Variants in MPND observed in about 807,000 individuals in gnomAD.
MPND encodes MPN domain-containing protein.
MPND carries 56 observed loss-of-function variants against 59.2 expected under a neutral mutation model. The ratio of observed to expected loss-of-function variants is 0.95; its 90% CI spans 0.76 to 1.18. MPND has a LOEUF of 1.18. Ranked by LOEUF, MPND falls within the 50% of genes most tolerant of loss-of-function variation. The pLI is 0.00. For missense variants in MPND, 671 were observed against 676.0 expected (o/e 0.99, Z 0.08); for synonymous variants, 323 against 291.9 (o/e 1.11, Z -1.09).
At chr19:4,353,838 C>T in intron 4 of MPND, 6 of 509,988 alleles carry the variant, frequency 1.2e-5, no homozygotes, top group Non-Finnish European at 2.1e-5. Context: ...AAAAAAATTT[C>T]TTCTTTGTAA....
At chr19:4,347,519 G>A (rs1972212577) in intron 3 of MPND, among the ~76,000 whole-genome samples, 1 of 152,098 alleles carries the variant, frequency 6.6e-6, no homozygotes, top group African/African-American at 2.4e-5. Context: ...GATTACAAGT[G>A]TGAGCCACCG....
intron 11 of MPND, chr19:4,358,582 G>A (rs894506420): frequency 1.6e-5 from 3 of 182,246 alleles, no homozygotes; most frequent in African/African-American, 7.1e-5. Flanking sequence ...GAGGTCAGGA[G>A]TTCGAGACTA....
chr19:4,355,265 C>T, intron 8 of MPND, 92 bp downstream of exon 8: 1 of 1,353,412 alleles, frequency 7.4e-7, no homozygotes, highest in South Asian at 1.2e-5. Flanking sequence ...AGTGTCATCA[C>T]CCAGCAACCG....
At chr19:4,359,378 C>G in intron 12 of MPND, 123 bp downstream of exon 12, 1 of 670,174 alleles carries the variant, frequency 1.5e-6, no homozygotes, top group East Asian at 2.7e-5. Flanking sequence ...AGCTGGCAGA[C>G]TGGTGACCCT....
chr19:4,359,780 G>A, intron 12 of MPND, 136 bp from the exon 13 acceptor site: 1 of 646,716 alleles, frequency 1.5e-6, no homozygotes, highest in South Asian at 2.0e-5. Context: ...GCAGCAGGCT[G>A]TGCTGCGGGA....
At chr19:4,351,944 A>G (rs113741565) in intron 3 of MPND, among the ~76,000 whole-genome samples, 61,201 of 150,280 alleles carry the variant, frequency 0.41, 12,954 homozygotes, top group Non-Finnish European at 0.48. Context: ...AGGCTGAGGC[A>G]GGTGGGTCAC....
chr19:4,348,220 A>T (rs1401068922), intron 3 of MPND: 2 of 145,826 alleles, frequency 1.4e-5, no homozygotes, highest in African/African-American at 5.1e-5. Context: ...ATGCTCAATT[A>T]CAGTATCATT....
At chr19:4,358,767 A>C (rs1373031092) in intron 11 of MPND, among the ~76,000 whole-genome samples, 1 of 152,212 alleles carries the variant, frequency 6.6e-6, no homozygotes, top group Non-Finnish European at 1.5e-5. Context: ...AGTCTGGGCC[A>C]CAGAGTGAGA....
Position 4,354,064 on chromosome 19 carries a change from G to T in MPND, c.684G>T (p.Lys228Asn), listed in dbSNP as rs1438075318. The T allele has an allele frequency of 1.2e-6, 2 of 1,613,274 alleles. No homozygotes were observed. The highest frequency in any genetic ancestry group is 1.7e-6 in the Non-Finnish European group (2 of 1,179,402). ...TCCCAGAGGCCACAACCCCAGGGAA[G>T]CGGGTGGACAGCAAGATCCGGGTTC... ...PAHPEATTPG[K>N]RVDSKIRVPV... The change falls in exon 5 of 13, where the codon AAG becomes AAT. Residue 228 changes from lysine to asparagine, a missense_variant. Coordinates refer to ENST00000599840, the MANE Select transcript of MPND (RefSeq NM_001300862.2).
chr19:4,351,126 C>CA (rs1241787435), intron 3 of MPND, among the ~76,000 whole-genome samples: 2 of 152,174 alleles, frequency 1.3e-5, no homozygotes, highest in Non-Finnish European at 2.9e-5. Context: ...TTTTTGTAGA[C>CA]AGAGTCTCGC....
chr19:4,352,847 G>A (rs773622317), intron 3 of MPND, 50 bp from the exon 4 acceptor site: 17 of 1,313,166 alleles, frequency 1.3e-5, no homozygotes, highest in Admixed American at 3.2e-5. Context: ...GGAGCGGGGG[G>A]GCACCCAGCT....
chr19:4,358,661 C>G (rs1026724293), intron 11 of MPND, among the ~76,000 whole-genome samples: 4 of 152,262 alleles, frequency 2.6e-5, no homozygotes, highest in African/African-American at 9.6e-5. Context: ...GTGGCGGGTG[C>G]CTATAGTCCT....
intron 12 of MPND, among the ~76,000 whole-genome samples, 191 bp from the exon 13 acceptor site, chr19:4,359,725 C>A (rs890980220): frequency 3.3e-5 from 5 of 152,146 alleles, no homozygotes; most frequent in Non-Finnish European, 7.4e-5. Flanking sequence ...AGCACCGCTG[C>A]CCCTGGGAGC....
At chr19:4,352,075 A>G (rs759363755) in intron 3 of MPND, among the ~76,000 whole-genome samples, 3 of 151,852 alleles carry the variant, frequency 2.0e-5, no homozygotes, top group Non-Finnish European at 4.4e-5. Context: ...CAGGAGGCTG[A>G]GGCAAGAGAA....
intron 8 of MPND, 147 bp downstream of exon 8, chr19:4,355,320 A>G (rs1599576032): frequency 1.5e-6 from 1 of 660,476 alleles, no homozygotes. Context: ...CCCATGGTGA[A>G]GGGTGAAGAA....
chr19:4,350,780 G>A (rs542757131), intron 3 of MPND, among the ~76,000 whole-genome samples: 25 of 152,232 alleles, frequency 1.6e-4, no homozygotes, highest in African/African-American at 3.6e-4. Context: ...GGAGCCGGGC[G>A]AGGCTTGGGC....
chr19:4,343,697 G>A lies in MPND; in HGVS notation c.8-11G>A. 8.4e-7 allele frequency: 1 copy of A among 1,197,380 alleles called. No individual in the cohort carries two copies. The highest frequency in any genetic ancestry group is 1.0e-6 in the Non-Finnish European group (1 of 966,110). 74.2% of individuals were successfully genotyped at this position (1,197,380 alleles called of 1,614,324 possible). A position where few individuals can be genotyped will look rare whatever the true frequency, so the allele number is the denominator to read the frequency against. ...GCGAGCGGCCTCCCTGCAGCCTCTC[G>A]CTGTCCGCAGCTCCGGAGCCGCTGT... On this transcript the variant is annotated splice_polypyrimidine_tract_variant and intron_variant, in intron 1 of 12. Coordinates refer to ENST00000599840, the MANE Select transcript of MPND (RefSeq NM_001300862.2).
rs1470505419 is a variant in MPND at position 4,357,596 on chromosome 19, C to T, written c.1236+11C>T. The T allele has an allele frequency of 1.2e-6, 2 of 1,605,116 alleles. No individual in the cohort carries two copies. The highest frequency in any genetic ancestry group is 3.4e-5 in the Admixed American group (2 of 58,592). Reference sequence around the variant, plus strand: ...ATGCCTCCTCCCGAGGTAGGTGGGGCTGTTGGGAGAGCCTGGGGGGCCCGG... The same window carrying T: ...ATGCCTCCTCCCGAGGTAGGTGGGGTTGTTGGGAGAGCCTGGGGGGCCCGG... On this transcript the variant is annotated intron_variant, in intron 10 of 12. Transcript: ENST00000599840.
At chr19:4,358,345 C>T (rs892979575) in intron 11 of MPND, 173 bp downstream of exon 11, 52 of 604,832 alleles carry the variant, frequency 8.6e-5, no homozygotes, top group Admixed American at 2.3e-4. Flanking sequence ...TTGCCAGGGT[C>T]CCTCCAACTT....
Sources: gnomAD v4.1 joint callset for allele counts (sites outside exome capture counted in the v4.1 genomes callset) on GRCh38, gnomAD v4.1.1 for gene constraint, MANE v1.5 for transcripts, NCBI Gene and HGNC (gene_info 2026-07-23, HGNC 2026-07-21) for gene names.